LPAR3: variants seen among roughly 807,000 people sequenced by gnomAD.
LPAR3 encodes the protein lysophosphatidic acid receptor 3, also known as LPA receptor 3.
LPAR3 carries 7 observed loss-of-function variants against 17.8 expected under a neutral mutation model. That is an observed-to-expected ratio of 0.39 (90% CI 0.22 to 0.74). The LOEUF is 0.74. LPAR3 is among the 30% of genes least tolerant of loss of function. The pLI is 0.40. For missense variants in LPAR3, 391 were observed against 453.4 expected, an observed-to-expected ratio of 0.86 and a Z score of 1.25; for synonymous variants, 179 against 179.9, an observed-to-expected ratio of 0.99 and a Z score of 0.04.
intron 2 of LPAR3, among the ~76,000 whole-genome samples, chr1:84,842,775 G>A (rs982577379): frequency 1.3e-5 from 2 of 152,182 alleles, no homozygotes; most frequent in South Asian, 4.1e-4. Flanking sequence ...TCAAGTTCAA[G>A]ATCACATTTG....
chr1:84,852,315 G>A (rs746130935), intron 2 of LPAR3, among the ~76,000 whole-genome samples: 6 of 152,084 alleles, frequency 3.9e-5, no homozygotes, highest in South Asian at 2.1e-4. Context: ...TCTTGACCTC[G>A]TGATCTGCCC....
At chr1:84,879,372 C>T (rs575497317) in intron 1 of LPAR3, among the ~76,000 whole-genome samples, 7 of 136,426 alleles carry the variant, frequency 5.1e-5, no homozygotes, top group South Asian at 2.2e-4. Context: ...AGGACAGTGG[C>T]GCGATCTAGG....
At chr1:84,871,770 C>G (rs1660161889) in intron 1 of LPAR3, among the ~76,000 whole-genome samples, 1 of 152,202 alleles carries the variant, frequency 6.6e-6, no homozygotes, top group Non-Finnish European at 1.5e-5. Context: ...GCCATAGTTT[C>G]AAGGCCTTTG....
intron 1 of LPAR3, among the ~76,000 whole-genome samples, chr1:84,873,128 T>C (rs1288322351): frequency 2.6e-5 from 4 of 152,116 alleles, no homozygotes; most frequent in Non-Finnish European, 5.9e-5. Flanking sequence ...AATGGCTAAA[T>C]AGAATAAGGA....
intron 2 of LPAR3, among the ~76,000 whole-genome samples, chr1:84,841,997 A>G (rs942648998): frequency 6.6e-6 from 1 of 152,204 alleles, no homozygotes; most frequent in African/African-American, 2.4e-5. Context: ...GAAGCAGGAC[A>G]GAAAAAAAAA....
At chr1:84,831,666 T>C (rs896385211) in intron 2 of LPAR3, among the ~76,000 whole-genome samples, 3 of 151,814 alleles carry the variant, frequency 2.0e-5, no homozygotes, top group African/African-American at 7.3e-5. Flanking sequence ...AACTATGACA[T>C]AATGTGGTTT....
intron 1 of LPAR3, among the ~76,000 whole-genome samples, chr1:84,885,507 C>T (rs1204057968): frequency 6.6e-6 from 1 of 152,238 alleles, no homozygotes; most frequent in Non-Finnish European, 1.5e-5. Flanking sequence ...CACTATTCCT[C>T]TTTGCTTTCC....
At chr1:84,855,755 A>G (rs916745559) in intron 2 of LPAR3, among the ~76,000 whole-genome samples, 17 of 152,156 alleles carry the variant, frequency 1.1e-4, no homozygotes, top group African/African-American at 4.1e-4. Context: ...TGGGAAAAGC[A>G]CTTCTAAACT....
At chr1:84,839,574 G>A (rs1332370743) in intron 2 of LPAR3, among the ~76,000 whole-genome samples, 1 of 152,118 alleles carries the variant, frequency 6.6e-6, no homozygotes. Context: ...GAGAAGTTGA[G>A]GTGGGAGGAT....
At chr1:84,844,168 T>G (rs1448329818) in intron 2 of LPAR3, among the ~76,000 whole-genome samples, 1 of 152,238 alleles carries the variant, frequency 6.6e-6, no homozygotes, top group Non-Finnish European at 1.5e-5. Context: ...TATGAATGAA[T>G]GAATAAGAAT....
chr1:84,858,353 A>G (rs1050963104), intron 2 of LPAR3, among the ~76,000 whole-genome samples: 6 of 152,048 alleles, frequency 3.9e-5, no homozygotes, highest in African/African-American at 1.2e-4. Context: ...GCATGGTGCC[A>G]CATGCCTATA....
intron 1 of LPAR3, among the ~76,000 whole-genome samples, chr1:84,883,469 A>AC (rs1660401065): frequency 1.3e-5 from 2 of 152,264 alleles, no homozygotes; most frequent in Admixed American, 1.3e-4. Flanking sequence ...TGGGTTGAAA[A>AC]CCTAATGTTT....
chr1:84,840,639 G>C (rs1659488832), intron 2 of LPAR3, among the ~76,000 whole-genome samples: 1 of 152,012 alleles, frequency 6.6e-6, no homozygotes, highest in Non-Finnish European at 1.5e-5. Flanking sequence ...GAATGTTTAG[G>C]ACCAAAGAAA....
intron 2 of LPAR3, among the ~76,000 whole-genome samples, chr1:84,822,615 AC>A (rs1659079335): frequency 6.6e-6 from 1 of 152,146 alleles, no homozygotes; most frequent in Non-Finnish European, 1.5e-5. Flanking sequence ...CTTGGTGAAT[AC>A]CTCATCTCCA....
chr1:84,873,507 G>A (rs1004831894), intron 1 of LPAR3, among the ~76,000 whole-genome samples: 2 of 152,280 alleles, frequency 1.3e-5, no homozygotes, highest in Middle Eastern at 3.4e-3. Context: ...ATAAACAGAG[G>A]AGTGGCAATT....
At chr1:84,837,350 T>C (rs1659425466) in intron 2 of LPAR3, among the ~76,000 whole-genome samples, 2 of 152,232 alleles carry the variant, frequency 1.3e-5, no homozygotes, top group African/African-American at 2.4e-5. Flanking sequence ...ACACTTGATA[T>C]AAATATCACA....
chr1:84,861,425 T>A (rs1557602183), intron 2 of LPAR3, among the ~76,000 whole-genome samples: 1 of 151,778 alleles, frequency 6.6e-6, no homozygotes, highest in African/African-American at 2.4e-5. Flanking sequence ...TCTCTCTCCC[T>A]CTCTCTCTCT....
chr1:84,816,831 CT>C (rs1370985635), intron 2 of LPAR3, among the ~76,000 whole-genome samples: 2 of 152,126 alleles, frequency 1.3e-5, no homozygotes, highest in African/African-American at 2.4e-5. Context: ...ATATAAATAT[CT>C]TCATTTACTT....
intron 2 of LPAR3, among the ~76,000 whole-genome samples, chr1:84,833,732 C>A (rs1365369902): frequency 2.0e-5 from 3 of 152,102 alleles, no homozygotes; most frequent in East Asian, 1.9e-4. Context: ...ATCTGTCACA[C>A]GGGGATAATA....
Sources: allele counts gnomAD v4.1 joint callset (sites outside exome capture counted in the v4.1 genomes callset), GRCh38; gene constraint gnomAD v4.1.1; transcripts MANE v1.5; gene names NCBI Gene and HGNC (gene_info 2026-07-23, HGNC 2026-07-21).